The following UBR1 variants were observed in gnomAD, a reference collection of about 807,000 sequenced individuals.
UBR1 encodes the protein ubiquitin protein ligase E3 component n-recognin 1, also known as E3 ubiquitin-protein ligase UBR1.
In UBR1, 102 loss-of-function variants were observed where a neutral mutation model predicts 242.1. The ratio of observed to expected loss-of-function variants is 0.42; its 90% CI spans 0.36 to 0.50. UBR1 has a LOEUF of 0.50. Ranked by LOEUF, UBR1 falls within the 20% of genes least tolerant of loss-of-function variation. UBR1 has a pLI of 0.01. For missense variants in UBR1, 1,772 were observed against 2,101.8 expected (o/e 0.84, Z 3.07); for synonymous variants, 675 against 684.8 (o/e 0.99, Z 0.22).
chr15:43,026,846 G>GAT (rs1036028458), intron 22 of UBR1, among the ~76,000 whole-genome samples, 183 bp from the exon 23 acceptor site: 2 of 152,138 alleles, frequency 1.3e-5, no homozygotes, highest in Non-Finnish European at 2.9e-5. Flanking sequence ...CACAAAGCCT[G>GAT]ATAACAGCTA....
intron 3 of UBR1, among the ~76,000 whole-genome samples, chr15:43,076,150 T>G (rs1003388424): frequency 2.0e-5 from 3 of 150,926 alleles, no homozygotes; most frequent in African/African-American, 2.4e-5. Flanking sequence ...GGTTTTCGTT[T>G]TTTTTTTTTT....
chr15:43,051,178 C>T (rs1215560673), intron 12 of UBR1, among the ~76,000 whole-genome samples: 1 of 152,156 alleles, frequency 6.6e-6, no homozygotes, highest in East Asian at 1.9e-4. Flanking sequence ...AACTTAAATG[C>T]CCATCAGTGA....
intron 3 of UBR1, among the ~76,000 whole-genome samples, chr15:43,079,136 C>CGAA (rs1314183771): frequency 6.6e-6 from 1 of 151,500 alleles, no homozygotes; most frequent in Non-Finnish European, 1.5e-5. Context: ...CTGGAGTCAC[C>CGAA]GAAGAAGAAA....
chr15:43,026,683 A>C lies in UBR1; in HGVS notation c.2433-20T>G. 1 of 1,574,076 alleles carries C rather than the reference A, an allele frequency of 6.4e-7. No individual in the cohort carries two copies. The highest frequency in any genetic ancestry group is 1.7e-5 in the Admixed American group (1 of 59,954). ...GGTTTCCTAAATAGATGGAAAATACAAGATGAACTGCAGTGTTCTTGAAGT... is the reference window on the plus strand; with the variant it reads ...GGTTTCCTAAATAGATGGAAAATACCAGATGAACTGCAGTGTTCTTGAAGT... On this transcript the variant is annotated intron_variant, in intron 22 of 46. Transcript: ENST00000290650.
At chr15:43,020,564 C>T (rs1489183061) in intron 27 of UBR1, among the ~76,000 whole-genome samples, 2 of 152,216 alleles carry the variant, frequency 1.3e-5, no homozygotes, top group Non-Finnish European at 2.9e-5. Flanking sequence ...TCCACAGCAG[C>T]CAATACCATC....
intron 35 of UBR1, 73 bp downstream of exon 35, chr15:42,988,746 A>G (rs1000420715): frequency 6.3e-7 from 1 of 1,594,068 alleles, no homozygotes; most frequent in African/African-American, 1.3e-5. Flanking sequence ...TCAGTGAAAA[A>G]AAGAATTTAA....
In UBR1 at chr15:43,059,131, G is replaced by C. The variant is rs776123644; in HGVS notation, c.1047C>G (p.Pro349=). ...CLREEPDSEN[P]CLISRLMLWD... is the part of the protein sequence containing the mutation. ...AAAGCATTAACCTGCTTATGAGACA[G>C]GGATTCTCCGAGTCAGGTTCTTCTC... Residue 349 remains proline, a synonymous_variant, in exon 9 of 47, where the codon CCC becomes CCG. Transcript: ENST00000290650. 2.0e-5 allele frequency: 32 copies of C among 1,614,034 alleles called. No individual in the cohort carries two copies. The highest frequency in any genetic ancestry group is 2.7e-5 in the Non-Finnish European group (32 of 1,180,028).
chr15:43,034,625 G>A (rs1382169755), intron 19 of UBR1, among the ~76,000 whole-genome samples: 3 of 151,944 alleles, frequency 2.0e-5, no homozygotes, highest in South Asian at 4.2e-4. Flanking sequence ...GGCCAGGCAC[G>A]GTGGCTCACC....
At chr15:43,042,759 T>A (rs2033436348) in intron 15 of UBR1, among the ~76,000 whole-genome samples, 1 of 152,172 alleles carries the variant, frequency 6.6e-6, no homozygotes, top group Non-Finnish European at 1.5e-5. Context: ...TACACTTCAA[T>A]AAAGCTATTT....
intron 6 of UBR1, among the ~76,000 whole-genome samples, chr15:43,061,985 AT>A (rs1468600346): frequency 9.9e-5 from 15 of 152,050 alleles, no homozygotes; most frequent in Non-Finnish European, 4.4e-5. Flanking sequence ...AAAAAAAAAA[AT>A]AATAATAACA....
intron 1 of UBR1, among the ~76,000 whole-genome samples, chr15:43,100,797 G>A (rs767552242): frequency 1.2e-4 from 18 of 152,084 alleles, no homozygotes; most frequent in Non-Finnish European, 2.2e-4. Flanking sequence ...ATCGCACCAC[G>A]CACTCCAGCC....
chr15:42,987,624 G>C (rs1375891138), intron 35 of UBR1, among the ~76,000 whole-genome samples: 1 of 142,888 alleles, frequency 7.0e-6, no homozygotes, highest in Non-Finnish European at 1.5e-5. Context: ...TGAGGCAGGA[G>C]AATTGCTTGA....
At chr15:42,978,055 T>G (rs1276996388) in intron 37 of UBR1, 108 bp from the exon 38 acceptor site, 1 of 830,344 alleles carries the variant, frequency 1.2e-6, no homozygotes, top group African/African-American at 1.7e-5. Flanking sequence ...GGTTATAAAA[T>G]ACAGAAACTA....
In UBR1 at chr15:42,977,866, T is replaced by C; in HGVS notation, c.4218+14A>G. 1 of 1,605,602 alleles carries C rather than the reference T, an allele frequency of 6.2e-7. No homozygotes were observed. The highest frequency in any genetic ancestry group is 8.5e-7 in the Non-Finnish European group (1 of 1,172,598). On this transcript the variant is annotated intron_variant, in intron 38 of 46. Transcript: ENST00000290650. ...TCAACATGAGTGACTTAAACAAAATTACTGAACACTTACCAAAACATGAAA... is the reference window on the plus strand; with the variant it reads ...TCAACATGAGTGACTTAAACAAAATCACTGAACACTTACCAAAACATGAAA...
At chr15:43,022,609 GTAAGA>G (rs2141303399) in intron 26 of UBR1, 88 bp downstream of exon 26, 1 of 902,804 alleles carries the variant, frequency 1.1e-6, no homozygotes, top group East Asian at 2.6e-5. Flanking sequence ...TTAAAACTCT[GTAAGA>G]TATAAACTTT....
At chr15:42,971,942 A>C (rs2032213564) in intron 39 of UBR1, among the ~76,000 whole-genome samples, 1 of 152,224 alleles carries the variant, frequency 6.6e-6, no homozygotes, top group Non-Finnish European at 1.5e-5. Flanking sequence ...CTCTATGCAC[A>C]CACAACATCC....
At chr15:43,081,412 C>T (rs2033972700) in intron 3 of UBR1, among the ~76,000 whole-genome samples, 1 of 129,144 alleles carries the variant, frequency 7.7e-6, no homozygotes, top group African/African-American at 3.0e-5. Flanking sequence ...AGCGACACCC[C>T]ATCTCAAAAA....
intron 19 of UBR1, among the ~76,000 whole-genome samples, chr15:43,034,275 AATAAATAG>A (rs772760882): frequency 0.27 from 32,957 of 120,216 alleles, 4,682 homozygotes; most frequent in South Asian, 0.41. Flanking sequence ...TAAATAAATA[AATAAATAG>A]ATAAATAAAT....
intron 1 of UBR1, among the ~76,000 whole-genome samples, chr15:43,096,174 C>CTT (rs533952574): frequency 9.2e-5 from 13 of 141,088 alleles, no homozygotes; most frequent in Non-Finnish European, 1.2e-4. Context: ...CAATTTCTCT[C>CTT]TTTTTTTTTT....
Sources: gnomAD v4.1 joint callset for allele counts (sites outside exome capture counted in the v4.1 genomes callset) on GRCh38, gnomAD v4.1.1 for gene constraint, MANE v1.5 for transcripts, NCBI Gene and HGNC (gene_info 2026-07-23, HGNC 2026-07-21) for gene names.